DZIP3: variants seen among roughly 807,000 people sequenced by gnomAD.
DZIP3 encodes the protein E3 ubiquitin-protein ligase DZIP3.
Under a neutral mutation model 162.0 loss-of-function variants are expected in DZIP3, and 118 were observed. The ratio of observed to expected loss-of-function variants is 0.73; its 90% confidence interval spans 0.63 to 0.85. The LOEUF is 0.85. Ranked by LOEUF, DZIP3 falls within the 40% of genes least tolerant of loss-of-function variation. The pLI, the probability that DZIP3 is intolerant of heterozygous loss-of-function variation, is 0.00. For missense variants in DZIP3, 1,331 were observed against 1,407.0 expected (o/e 0.95, Z 0.86); for synonymous variants, 438 against 458.6 (o/e 0.96, Z 0.57).
At chr3:108,610,275 C>T (rs570025530) in intron 3 of DZIP3, among the ~76,000 whole-genome samples, 31 of 152,192 alleles carry the variant, frequency 2.0e-4, no homozygotes, top group African/African-American at 7.2e-4. Context: ...AAGTGGATAC[C>T]GAATACCATG....
At position 108,674,174 on chromosome 3, in the gene DZIP3, G is replaced by T; in HGVS notation, c.2686G>T (p.Ala896Ser). 1.2e-6 allele frequency: 2 copies of T among 1,612,014 alleles called. No individual in the cohort carries two copies. The highest frequency in any genetic ancestry group is 1.7e-6 in the Non-Finnish European group (2 of 1,178,788). ...LNQLARVTHM[A>S]ASNLESLQLK... The stretch of plus-strand genomic sequence containing the variant: ...TCAGCTTGCCAGGGTGACTCACATG[G>T]CAGCAAGGTAACCTTTCCCTCTTCC... The change falls in exon 24 of 33, where the codon GCA becomes TCA. Residue 896 changes from alanine to serine, a missense_variant. Ala to Ser is a moderately conservative substitution (Grantham distance 99, BLOSUM62 1). Around this residue, in one of 2 missense-constraint regions of DZIP3, gnomAD observed 1,278 missense variants for 1,317.1 expected, o/e 0.97. Transcript: ENST00000361582.
intron 17 of DZIP3, among the ~76,000 whole-genome samples, chr3:108,650,264 A>G (rs1427170729): frequency 6.6e-6 from 1 of 151,842 alleles, no homozygotes; most frequent in African/African-American, 2.4e-5. Flanking sequence ...TTTATTGTGA[A>G]CAACCAAAAG....
intron 18 of DZIP3, among the ~76,000 whole-genome samples, chr3:108,653,048 TC>T (rs1344905500): frequency 1.3e-5 from 2 of 151,944 alleles, no homozygotes; most frequent in African/African-American, 4.8e-5. Context: ...TACAAATTCA[TC>T]TATATTTTTA....
intron 1 of DZIP3, among the ~76,000 whole-genome samples, chr3:108,595,342 T>A (rs372897617): frequency 6.6e-6 from 1 of 152,094 alleles, no homozygotes; most frequent in Non-Finnish European, 1.5e-5. Context: ...CTTTAGCCTC[T>A]GAGTAGCTGG....
Position 108,690,900 on chromosome 3 carries a change from C to A in DZIP3, c.*3C>A. ...GCCGGCAGTTGCCCAAGATCTGATACAAGGTCGGGGTGTCTATGCAAAGGA... is the reference window on the plus strand; with the variant it reads ...GCCGGCAGTTGCCCAAGATCTGATAAAAGGTCGGGGTGTCTATGCAAAGGA... On this transcript the variant is annotated 3_prime_UTR_variant, in exon 32 of 33. Coordinates refer to ENST00000361582, the MANE Select transcript of DZIP3 (RefSeq NM_014648.4). 1 of 1,613,818 alleles carries A rather than the reference C, an allele frequency of 6.2e-7. No individual in the cohort carries two copies. The highest frequency in any genetic ancestry group is 8.5e-7 in the Non-Finnish European group (1 of 1,179,746).
chr3:108,591,540 A>G (rs1327398062), intron 1 of DZIP3, among the ~76,000 whole-genome samples: 1 of 152,234 alleles, frequency 6.6e-6, no homozygotes, highest in African/African-American at 2.4e-5. Context: ...TGTAATTAAT[A>G]TCAAATGTCT....
At chr3:108,612,092 T>C (rs1016611588) in intron 4 of DZIP3, among the ~76,000 whole-genome samples, 4 of 152,226 alleles carry the variant, frequency 2.6e-5, no homozygotes, top group Non-Finnish European at 4.4e-5. Flanking sequence ...AAGTAGTTTT[T>C]CTGTATAATT....
At chr3:108,675,930 T>G in intron 25 of DZIP3, 57 bp downstream of exon 25, 1 of 1,429,114 alleles carries the variant, frequency 7.0e-7, no homozygotes, top group South Asian at 1.2e-5. Flanking sequence ...TGGTGTAAAG[T>G]TAGAAGACAT....
intron 4 of DZIP3, 90 bp downstream of exon 4, chr3:108,611,419 G>A: frequency 6.8e-7 from 1 of 1,473,728 alleles, no homozygotes; most frequent in Non-Finnish European, 9.1e-7. Context: ...ACACAGTATA[G>A]CCAAGGTCTT....
At chr3:108,664,165 C>T (rs755235248) in intron 21 of DZIP3, among the ~76,000 whole-genome samples, 3 of 152,090 alleles carry the variant, frequency 2.0e-5, no homozygotes, top group Non-Finnish European at 2.9e-5. Context: ...CCATATATCT[C>T]GGGACACTGC....
rs953142975 is a variant in DZIP3 at position 108,655,160 on chromosome 3, A to C, written c.2199+850A>C. 8.3e-4 allele frequency among the ~76,000 whole-genome samples: 127 copies of C among 152,212 alleles called. 1 individual carries two copies. The highest frequency in any genetic ancestry group is 2.8e-4 in the Non-Finnish European group (19 of 68,030). On this transcript the variant is annotated intron_variant, in intron 19 of 32. Coordinates refer to ENST00000361582, the MANE Select transcript of DZIP3 (RefSeq NM_014648.4). ...CTATGGGAACTCAAAGATAGAATTA[A>C]AATGACACATACCTTTAAAAAAAGT...
chr3:108,636,455 A>AT (rs1216282056), intron 10 of DZIP3, among the ~76,000 whole-genome samples, 161 bp from the exon 11 acceptor site: 1 of 152,046 alleles, frequency 6.6e-6, no homozygotes, highest in African/African-American at 2.4e-5. Context: ...ATCCATTGAT[A>AT]TATGAAATGG....
rs776394123 is a variant in DZIP3 at position 108,651,147 on chromosome 3, CAAAAG to C, written c.2021_2025del (p.Lys674ArgfsTer25). Reference sequence around the variant, plus strand: ...TATGTTATTTTTCAGAATAAAGACTCAAAAGAAGACCAAGTGTAAGTATTAGTTTA... The same window carrying C: ...TATGTTATTTTTCAGAATAAAGACTCAAGACCAAGTGTAAGTATTAGTTTA... On this transcript the variant is annotated frameshift_variant, in exon 18 of 33. Coordinates refer to ENST00000361582, the MANE Select transcript of DZIP3 (RefSeq NM_014648.4). LOFTEE classifies it high-confidence loss of function. 1.3e-6 allele frequency: 1 copy of C among 754,466 alleles called. No homozygotes were observed. The highest frequency in any genetic ancestry group is 1.9e-5 in the African/African-American group (1 of 52,054). The allele number at this position is 754,466 out of a possible 1,614,324, so 46.7% of individuals were successfully genotyped here.
intron 16 of DZIP3, 32 bp downstream of exon 16, chr3:108,648,144 G>T: frequency 1.3e-6 from 2 of 1,554,366 alleles, no homozygotes; most frequent in African/African-American, 2.8e-5. Flanking sequence ...TGAGTTAGAA[G>T]AACTTATTCT....
intron 19 of DZIP3, among the ~76,000 whole-genome samples, chr3:108,661,633 A>G (rs1251023520): frequency 6.6e-6 from 1 of 151,730 alleles, no homozygotes; most frequent in African/African-American, 2.4e-5. Flanking sequence ...CTTAAAGTAT[A>G]ATAATTAAAA....
chr3:108,682,298 A>G (rs1408778970), intron 26 of DZIP3, among the ~76,000 whole-genome samples: 1 of 150,932 alleles, frequency 6.6e-6, no homozygotes, highest in African/African-American at 2.5e-5. Context: ...CATGAAGTCA[A>G]GTATCCTGAA....
intron 8 of DZIP3, among the ~76,000 whole-genome samples, chr3:108,630,571 A>G (rs1037835741): frequency 6.6e-6 from 1 of 152,246 alleles, no homozygotes; most frequent in South Asian, 2.1e-4. Context: ...GGCATTGTCA[A>G]GGTAATCATA....
At chr3:108,607,916 G>A (rs578070866) in intron 2 of DZIP3, among the ~76,000 whole-genome samples, 173 bp from the exon 3 acceptor site, 37 of 152,122 alleles carry the variant, frequency 2.4e-4, no homozygotes, top group African/African-American at 7.0e-4. Context: ...TGGCCAATTC[G>A]TCTTCTTTAA....
intron 17 of DZIP3, among the ~76,000 whole-genome samples, chr3:108,650,181 T>C (rs1423782377): frequency 2.0e-5 from 3 of 151,848 alleles, no homozygotes; most frequent in Admixed American, 6.6e-5. Flanking sequence ...ATGGCTGATA[T>C]ATTCATTGGC....
Sources: allele counts gnomAD v4.1 joint callset (sites outside exome capture counted in the v4.1 genomes callset), GRCh38; gene constraint gnomAD v4.1.1; regional missense constraint gnomAD v4.1.1; transcripts MANE v1.5; gene names NCBI Gene and HGNC (gene_info 2026-07-23, HGNC 2026-07-21).